The following PEX5 variants were observed in gnomAD, a reference collection of about 807,000 sequenced individuals.
PEX5 encodes peroxisomal biogenesis factor 5, also known as PTS1 receptor.
PEX5 carries 52 observed loss-of-function variants against 82.9 expected under a neutral mutation model. The observed-to-expected ratio is 0.63, with a 90% CI of 0.50 to 0.79. The LOEUF (loss-of-function observed/expected upper bound fraction) is 0.79. PEX5 is among the 30% of genes least tolerant of loss of function. PEX5 has a pLI of 0.00. For missense variants in PEX5, 719 were observed against 815.2 expected, an observed-to-expected ratio of 0.88 and a Z score of 1.44; for synonymous variants, 300 against 318.8, an observed-to-expected ratio of 0.94 and a Z score of 0.63.
chr12:7,189,884 A>G (rs1034943468), intron 1 of PEX5, 134 bp downstream of exon 1: 1 of 1,384,460 alleles, frequency 7.2e-7, no homozygotes, highest in Non-Finnish European at 9.3e-7. Context: ...GGAGCGCGGG[A>G]GGGACCGGGC....
rs115753221 is a variant in PEX5 at position 7,204,679 on chromosome 12, A to G, written c.966+1128A>G. Among the ~76,000 whole-genome samples the G allele has an allele frequency of 9.0e-3, 1,365 of 152,336 alleles. 26 individuals are homozygous for G. The highest frequency in any genetic ancestry group is 0.031 in the African/African-American group (1,294 of 41,570). On this transcript the variant is annotated intron_variant, in intron 10 of 15. Transcript: ENST00000675855. ...CAATTTGATAAGTCACATAGGCCCC[A>G]TCAACTTATAAATGGAAAGTTGTAC...
chr12:7,196,481 C>A (rs1376826638), intron 5 of PEX5, among the ~76,000 whole-genome samples: 1 of 114,058 alleles, frequency 8.8e-6, no homozygotes, highest in African/African-American at 3.0e-5. Context: ...ATAATTACAT[C>A]ATATATAATG....
chr12:7,201,118 C>T lies in PEX5; in HGVS notation c.552-633C>T, dbSNP rs148363984. On this transcript the variant is annotated intron_variant, in intron 6 of 15. Coordinates refer to ENST00000675855, the MANE Select transcript of PEX5 (RefSeq NM_001351132.2). ...GACCTTGTCTTTAAAAAACCAAAAG[C>T]GCATGCATGTGTGCGTGCACACACA... is the stretch of plus-strand genomic sequence containing the variant. 2.8e-4 allele frequency among the ~76,000 whole-genome samples: 42 copies of T among 149,420 alleles called. No individual in the cohort carries two copies. The South Asian group carries it at 4.3e-3, about 15-fold the overall frequency.
intron 13 of PEX5, 95 bp from the exon 14 acceptor site, chr12:7,208,910 T>A (rs962809582): frequency 8.8e-7 from 1 of 1,133,966 alleles, no homozygotes; most frequent in African/African-American, 1.5e-5. Flanking sequence ...TTGATGAATG[T>A]TGGGGATATG....
chr12:7,199,245 C>G (rs1408565840), intron 6 of PEX5, 132 bp downstream of exon 6: 1 of 428,290 alleles, frequency 2.3e-6, no homozygotes, highest in African/African-American at 2.6e-5. Flanking sequence ...TTGGGTGTTT[C>G]TTGCAGAGGG....
At position 7,197,255 on chromosome 12, in the gene PEX5, G is replaced by A. The variant is rs181797649; in HGVS notation, c.449-1756G>A. Among the ~76,000 whole-genome samples, 30 of 64,430 alleles carry A rather than the reference G, an allele frequency of 4.7e-4. 6 individuals carry two copies. The highest frequency in any genetic ancestry group is 1.4e-3 in the South Asian group (3 of 2,080). The allele number at this position is 64,430 out of a possible 152,430, so 42.3% of individuals were successfully genotyped here. A position where few individuals can be genotyped will look rare whatever the true frequency, so the allele number is the denominator to read the frequency against. Reference sequence around the variant, plus strand: ...CATATGTAATAATTATATGTCATATGTAATAATTATATATGTCATATATAA... The same window carrying A: ...CATATGTAATAATTATATGTCATATATAATAATTATATATGTCATATATAA... On this transcript the variant is annotated intron_variant, in intron 5 of 15. Coordinates refer to ENST00000675855, the MANE Select transcript of PEX5 (RefSeq NM_001351132.2).
At chr12:7,211,535 G>C (rs1304742435), downstream of PEX5, 1 of 152,246 alleles carries the variant, frequency 6.6e-6, no homozygotes, top group Non-Finnish European at 1.5e-5. Flanking sequence ...GCGTTTGGAG[G>C]ACTGGGATTC....
intron 5 of PEX5, among the ~76,000 whole-genome samples, chr12:7,195,369 CAA>C (rs1481885090): frequency 9.9e-5 from 15 of 152,118 alleles, no homozygotes; most frequent in Non-Finnish European, 1.8e-4. Context: ...AGGAATTTCT[CAA>C]AGATTGTGAA....
Position 7,209,044 on chromosome 12 carries a change from T to C in PEX5, c.1434T>C (p.Ala478=). Residue 478 remains alanine, a synonymous_variant, in exon 14 of 16, where the codon GCT becomes GCC. Transcript: ENST00000675855. ...AAGTGAAAGAGCTCTTCCTGGCAGC[T>C]GTGCGGCTGGACCCTACCTCCATTG... ...FLEVKELFLA[A]VRLDPTSIDP... is the part of the protein sequence containing the mutation. The C allele has an allele frequency of 2.5e-6, 4 of 1,614,192 alleles. No individual in the cohort carries two copies. Among genetic ancestry groups the C allele is most frequent in the Non-Finnish European group, 3.4e-6 (4 of 1,180,028 alleles).
chr12:7,190,162 C>T (rs1940714768), intron 1 of PEX5, 200 bp from the exon 2 acceptor site: 7 of 1,495,456 alleles, frequency 4.7e-6, no homozygotes, highest in African/African-American at 1.4e-5. Flanking sequence ...GAAGCGGTGG[C>T]CTTTGAGGGG....
At chr12:7,191,806 C>T in intron 5 of PEX5, 106 bp downstream of exon 5, 1 of 1,085,500 alleles carries the variant, frequency 9.2e-7, no homozygotes, top group South Asian at 1.3e-5. Flanking sequence ...GGTCTCATGA[C>T]TCATTTCTAG....
At chr12:7,203,678 G>A (rs1591768125) in intron 10 of PEX5, 127 bp downstream of exon 10, 1 of 898,348 alleles carries the variant, frequency 1.1e-6, no homozygotes, top group Non-Finnish European at 1.8e-6. Context: ...AAAGAAGTCT[G>A]AATAATTCCC....
rs753821907 is a variant in PEX5, at chr12:7,203,563, ACT to A, written c.966+15_966+16del. ...CTACCTATGATAAGGTGAGGTAAAAACTCTTAGTTTTTCAGGTTCCAGAACTT... is the reference window on the plus strand; with the variant it reads ...CTACCTATGATAAGGTGAGGTAAAAACTTAGTTTTTCAGGTTCCAGAACTT... On this transcript the variant is annotated intron_variant, in intron 10 of 15. Coordinates refer to ENST00000675855, the MANE Select transcript of PEX5 (RefSeq NM_001351132.2). The A allele has an allele frequency of 6.1e-5, 98 of 1,611,460 alleles. No individual in the cohort carries two copies. Among genetic ancestry groups the A allele is most frequent in the Non-Finnish European group, 7.5e-5 (88 of 1,179,168 alleles).
Position 7,190,443 on chromosome 12 carries a change from G to A in PEX5, c.66G>A (p.Gly22=), listed in dbSNP as rs749267891. 6.2e-7 allele frequency: 1 copy of A among 1,614,210 alleles called. No individual in the cohort carries two copies. The highest frequency in any genetic ancestry group is 1.3e-5 in the African/African-American group (1 of 75,062). ...GGANPLMKLA[G]HFTQDKALRQ... ...CCAACCCGCTCATGAAGCTCGCCGG[G>A]CACTTCACCCAGGACAAGGCCCTTC... Residue 22 remains glycine (G), a synonymous_variant, in exon 2 of 16, where the codon GGG becomes GGA. Transcript: ENST00000675855.
At chr12:7,217,270 A>G (rs1270394244) in intron 17 of PEX5, among the ~76,000 whole-genome samples, 2 of 152,240 alleles carry the variant, frequency 1.3e-5, no homozygotes, top group Non-Finnish European at 2.9e-5. Flanking sequence ...TGGGAAGTAT[A>G]TTAGTTATAT....
chr12:7,190,343 A>C lies in PEX5; in HGVS notation c.-16-19A>C. The C allele has an allele frequency of 6.2e-7, 1 of 1,613,712 alleles. No homozygotes were observed. Among genetic ancestry groups the C allele is most frequent in the Non-Finnish European group, 8.5e-7 (1 of 1,179,848 alleles). On this transcript the variant is annotated intron_variant, in intron 1 of 15. Coordinates refer to ENST00000675855, the MANE Select transcript of PEX5 (RefSeq NM_001351132.2). ...GTCTGGCTTGGGTACCTCAGTTCCA[A>C]ACCTCCTGTGTCCATCAGAGAGCTG...
intron 5 of PEX5, among the ~76,000 whole-genome samples, chr12:7,194,587 T>C (rs1278693893): frequency 1.3e-5 from 2 of 152,208 alleles, no homozygotes; most frequent in Non-Finnish European, 2.9e-5. Context: ...TTTTTTAGCT[T>C]ACCTTATTTT....
At chr12:7,202,819 C>A in intron 9 of PEX5, 115 bp downstream of exon 9, 1 of 832,588 alleles carries the variant, frequency 1.2e-6, no homozygotes, top group Non-Finnish European at 2.0e-6. Context: ...CCTGGATCAT[C>A]TGTGTCAGAG....
At position 7,202,232 on chromosome 12, in the gene PEX5, G is replaced by C. The variant is rs751800228; in HGVS notation, c.643-9G>C. On this transcript the variant is annotated splice_polypyrimidine_tract_variant and intron_variant, in intron 7 of 15. Coordinates refer to ENST00000675855, the MANE Select transcript of PEX5 (RefSeq NM_001351132.2). ...TCCCAAGTGGCCTGTGTGTGTCTCT[G>C]TGCCCCAGTTCCTGAAATTCGTGCG... 5 of 1,614,068 alleles carry C rather than the reference G, an allele frequency of 3.1e-6. No homozygotes were observed. Among genetic ancestry groups the C allele is most frequent in the Non-Finnish European group, 4.2e-6 (5 of 1,180,032 alleles).
Sources: gnomAD v4.1 joint callset for allele counts (sites outside exome capture counted in the v4.1 genomes callset) on GRCh38, gnomAD v4.1.1 for gene constraint, MANE v1.5 for transcripts, NCBI Gene and HGNC (gene_info 2026-07-23, HGNC 2026-07-21) for gene names.